Variants in AQP7B observed in about 807,000 individuals in gnomAD.
AQP7B encodes the protein putative aquaporin-7B.
chr2:94,592,450 C>T, the AQP7B span, among the ~76,000 whole-genome samples: 3 of 152,072 alleles, frequency 2.0e-5, no homozygotes, highest in Admixed American at 1.3e-4. Flanking sequence ...TGCAGAGTTG[C>T]GTGGATATTC....
At chr2:94,591,292 T>A in the AQP7B span, among the ~76,000 whole-genome samples, 1 of 152,142 alleles carries the variant, frequency 6.6e-6, no homozygotes, top group East Asian at 1.9e-4. Context: ...TTGTCCATTC[T>A]CCCACAGCTT....
the AQP7B span, among the ~76,000 whole-genome samples, chr2:94,591,237 T>G: frequency 6.6e-6 from 1 of 151,992 alleles, no homozygotes; most frequent in African/African-American, 2.4e-5. Context: ...CCCACCCAAG[T>G]GTCTAGCGGG....
chr2:94,595,854 A>G, the AQP7B span, among the ~76,000 whole-genome samples: 1 of 152,152 alleles, frequency 6.6e-6, no homozygotes, highest in Non-Finnish European at 1.5e-5. Context: ...AGATAGTTAA[A>G]CACAGGCAAG....
the AQP7B span, among the ~76,000 whole-genome samples, chr2:94,589,239 C>T: frequency 6.6e-6 from 1 of 151,412 alleles, no homozygotes; most frequent in South Asian, 2.1e-4. Context: ...GAACTCCTGA[C>T]CTCAGGTGAT....
the AQP7B span, chr2:94,603,955 C>T: frequency 8.6e-6 from 10 of 1,166,322 alleles, no homozygotes; most frequent in Non-Finnish European, 1.1e-5. Flanking sequence ...AGGCCCATTC[C>T]TTTGAGTTTT....
At chr2:94,594,893 G>T in the AQP7B span, 2 of 1,388,916 alleles carry the variant, frequency 1.4e-6, no homozygotes, top group South Asian at 1.2e-5. Flanking sequence ...TGGGCAGCAC[G>T]AAGTGGGTGG....
the AQP7B span, among the ~76,000 whole-genome samples, chr2:94,601,326 G>A: frequency 6.6e-6 from 1 of 152,208 alleles, no homozygotes; most frequent in Non-Finnish European, 1.5e-5. Flanking sequence ...AGAGTGAGGA[G>A]CAGGTGTGCT....
At chr2:94,595,605 A>G in the AQP7B span, among the ~76,000 whole-genome samples, 16 of 152,214 alleles carry the variant, frequency 1.1e-4, no homozygotes, top group East Asian at 3.1e-3. Flanking sequence ...GTGGAGCATA[A>G]GCAGGACAGG....
the AQP7B span, among the ~76,000 whole-genome samples, chr2:94,602,301 C>T: frequency 6.6e-6 from 1 of 151,800 alleles, no homozygotes; most frequent in South Asian, 2.1e-4. Context: ...GACTGAGAGG[C>T]CTCAGCAGGG....
At chr2:94,595,101 G>A in the AQP7B span, among the ~76,000 whole-genome samples, 1 of 152,244 alleles carries the variant, frequency 6.6e-6, no homozygotes, top group East Asian at 1.9e-4. Flanking sequence ...GGGTATCCGG[G>A]GCACGGCTGG....
At chr2:94,592,730 A>G in the AQP7B span, among the ~76,000 whole-genome samples, 2 of 148,202 alleles carry the variant, frequency 1.3e-5, no homozygotes, top group East Asian at 2.1e-4. Flanking sequence ...TGAATCTACT[A>G]TGCTTACTAT....
the AQP7B span, among the ~76,000 whole-genome samples, chr2:94,601,037 C>A: frequency 6.6e-6 from 1 of 152,170 alleles, no homozygotes; most frequent in Admixed American, 6.5e-5. Flanking sequence ...TAGAGCAAAA[C>A]CCTATCTCAA....
At chr2:94,599,524 C>A in the AQP7B span, among the ~76,000 whole-genome samples, 1 of 152,194 alleles carries the variant, frequency 6.6e-6, no homozygotes, top group African/African-American at 2.4e-5. Context: ...TTCAGCTCAC[C>A]CTCTTGTCCC....
the AQP7B span, chr2:94,594,616 G>A: frequency 2.2e-5 from 14 of 644,224 alleles, no homozygotes; most frequent in Non-Finnish European, 3.3e-5. Context: ...CAGCTGCCCC[G>A]GGCAAGAGGA....
the AQP7B span, among the ~76,000 whole-genome samples, chr2:94,601,812 G>A: frequency 8.9e-3 from 1,352 of 152,250 alleles, 49 homozygotes; most frequent in Admixed American, 0.055. Context: ...GATAGCACAG[G>A]AGCCAGGACT....
chr2:94,600,202 G>C, the AQP7B span, among the ~76,000 whole-genome samples: 1 of 151,998 alleles, frequency 6.6e-6, no homozygotes, highest in Non-Finnish European at 1.5e-5. Context: ...CCCTCTCCTG[G>C]GGCCTTCTCC....
At chr2:94,597,739 G>T in the AQP7B span, among the ~76,000 whole-genome samples, 1 of 151,762 alleles carries the variant, frequency 6.6e-6, no homozygotes, top group Admixed American at 6.6e-5. Context: ...GGAGTAGCTG[G>T]AATTACAGGT....
the AQP7B span, among the ~76,000 whole-genome samples, chr2:94,597,927 A>T: frequency 1.3e-5 from 2 of 152,116 alleles, no homozygotes; most frequent in African/African-American, 2.4e-5. Context: ...CTTGACCCTT[A>T]ACCTCTATGC....
chr2:94,604,557 C>T, the AQP7B span: 4 of 1,600,970 alleles, frequency 2.5e-6, no homozygotes, highest in African/African-American at 1.3e-5. Flanking sequence ...GAATCCATGG[C>T]CCTAGAGCAC....
Sources: allele counts gnomAD v4.1 joint callset (sites outside exome capture counted in the v4.1 genomes callset), GRCh38; gene constraint gnomAD v4.1.1; transcripts MANE v1.5; gene names NCBI Gene and HGNC (gene_info 2026-07-23, HGNC 2026-07-21).